Variants in DNAJC1 observed in about 807,000 individuals in gnomAD.
DNAJC1 encodes the protein dnaJ homolog subfamily C member 1.
DNAJC1 carries 58 observed loss-of-function variants against 76.6 expected under a neutral mutation model. The observed-to-expected ratio is 0.76, with a 90% confidence interval of 0.61 to 0.94. The LOEUF (loss-of-function observed/expected upper bound fraction) is 0.94, where lower values mean the gene tolerates loss of function less well. DNAJC1 is among the 40% of genes least tolerant of loss of function. The probability of loss-of-function intolerance (pLI) is 0.00; values close to 1 mark genes in which losing one functional copy is unlikely to be tolerated. For missense variants in DNAJC1, 689 were observed against 677.3 expected, an observed-to-expected ratio of 1.02 and a Z score of -0.19; for synonymous variants, 258 against 267.9, an observed-to-expected ratio of 0.96 and a Z score of 0.36.
intron 8 of DNAJC1, among the ~76,000 whole-genome samples, chr10:21,862,699 G>A (rs1332910793): frequency 6.6e-6 from 1 of 152,044 alleles, no homozygotes; most frequent in South Asian, 2.1e-4. Flanking sequence ...AAAGGGCTGG[G>A]ATTACATGCA....
intron 1 of DNAJC1, among the ~76,000 whole-genome samples, chr10:21,951,125 G>A (rs1051129624): frequency 1.3e-5 from 2 of 152,142 alleles, no homozygotes; most frequent in Non-Finnish European, 2.9e-5. Flanking sequence ...TTCGAGACCA[G>A]CCTGACCAAC....
chr10:21,920,739 T>C (rs1335146261), intron 4 of DNAJC1, 59 bp downstream of exon 4: 2 of 1,482,072 alleles, frequency 1.3e-6, no homozygotes, highest in Non-Finnish European at 1.8e-6. Flanking sequence ...AAAATAAATG[T>C]CCAAAATTCC....
At chr10:21,801,918 T>C (rs573902138) in intron 9 of DNAJC1, among the ~76,000 whole-genome samples, 1 of 152,134 alleles carries the variant, frequency 6.6e-6, no homozygotes, top group Non-Finnish European at 1.5e-5. Context: ...ATGTTCTCAC[T>C]TGTAAGCGGG....
intron 3 of DNAJC1, 35 bp from the exon 4 acceptor site, chr10:21,920,998 T>C: frequency 6.7e-7 from 1 of 1,486,334 alleles, no homozygotes; most frequent in South Asian, 1.4e-5. Flanking sequence ...TCACGGGGAG[T>C]TTAAAATAAA....
At chr10:21,842,216 G>A (rs1338932819) in intron 8 of DNAJC1, among the ~76,000 whole-genome samples, 1 of 151,682 alleles carries the variant, frequency 6.6e-6, no homozygotes, top group Non-Finnish European at 1.5e-5. Context: ...ACTGCATGTT[G>A]TGCACATGTA....
At chr10:21,816,859 TA>T (rs1290952806) in intron 8 of DNAJC1, among the ~76,000 whole-genome samples, 200 of 116,118 alleles carry the variant, frequency 1.7e-3, no homozygotes, top group Middle Eastern at 4.9e-3. Flanking sequence ...CTCTGTCTCT[TA>T]AAAAAAAAAA....
chr10:21,920,876 C>T lies in DNAJC1; in HGVS notation c.459G>A (p.Glu153=), dbSNP rs776777943. 4.3e-6 allele frequency: 7 copies of T among 1,613,026 alleles called. No individual in the cohort carries two copies. The Admixed American group carries it at 1.0e-4, about 23-fold the overall frequency. The change falls in exon 4 of 12, where the codon GAG becomes GAA. Residue 153 remains glutamate, a synonymous_variant. Transcript: ENST00000376980. ...GAATAATGAACAAGAGTAATGCCAG[C>T]TCAGCATTGCTCATTTTTCTCACCC... ...YRRVRKMSNA[E]LALLLFIILT...
intron 8 of DNAJC1, among the ~76,000 whole-genome samples, chr10:21,813,639 T>C (rs1589991675): frequency 6.6e-6 from 1 of 152,246 alleles, no homozygotes; most frequent in East Asian, 1.9e-4. Flanking sequence ...CCACCTGCCT[T>C]GGCCTCCCAA....
In DNAJC1 at chr10:22,003,699, A is replaced by C. The variant is rs1838568309; in HGVS notation, c.-265T>G. 1 of 362,104 alleles carries C rather than the reference A, an allele frequency of 2.8e-6. No homozygotes were observed. The highest frequency in any genetic ancestry group is 4.9e-6 in the Non-Finnish European group (1 of 205,066). 22.4% of individuals were successfully genotyped at this position (362,104 alleles called of 1,614,324 possible). On this transcript the variant is annotated 5_prime_UTR_variant, in exon 1 of 12. Coordinates refer to ENST00000376980, the MANE Select transcript of DNAJC1 (RefSeq NM_022365.4). ...CGCCCCCAGGCCTACACACAGCTGT[A>C]GAGGCAGCGCCCGGCGCCTGGGCTG...
intron 6 of DNAJC1, among the ~76,000 whole-genome samples, chr10:21,910,441 T>C (rs1836835882): frequency 6.6e-6 from 1 of 152,182 alleles, no homozygotes; most frequent in Non-Finnish European, 1.5e-5. Context: ...CATTAAGTGA[T>C]AAGAGAACAT....
chr10:21,810,661 C>T (rs1292143753), intron 8 of DNAJC1, among the ~76,000 whole-genome samples: 1 of 152,140 alleles, frequency 6.6e-6, no homozygotes, highest in Admixed American at 6.5e-5. Context: ...TAAAACAGGG[C>T]CTTTAATGAT....
At chr10:21,908,145 TAATATATAATATATAAA>T (rs1836784197) in intron 6 of DNAJC1, among the ~76,000 whole-genome samples, 3 of 106,438 alleles carry the variant, frequency 2.8e-5, no homozygotes, top group East Asian at 4.5e-4. Context: ...TAAAAATATA[TAATATATAATATATAAA>T]AATATATAAT....
intron 10 of DNAJC1, 71 bp downstream of exon 10, chr10:21,766,190 G>A (rs1834297882): frequency 8.8e-7 from 1 of 1,135,942 alleles, no homozygotes; most frequent in South Asian, 1.3e-5. Context: ...ATTTAAAGAA[G>A]TTATTATAAA....
intron 8 of DNAJC1, among the ~76,000 whole-genome samples, chr10:21,835,646 T>C (rs1233659468): frequency 1.3e-5 from 2 of 152,152 alleles, no homozygotes; most frequent in Non-Finnish European, 2.9e-5. Context: ...CTGATGGAGC[T>C]GAAAACCAAC....
chr10:21,900,383 G>C (rs1380328841), intron 7 of DNAJC1, among the ~76,000 whole-genome samples: 1 of 151,340 alleles, frequency 6.6e-6, no homozygotes, highest in Non-Finnish European at 1.5e-5. Flanking sequence ...AAAGAAATTT[G>C]ACTAATTAAT....
Position 21,806,073 on chromosome 10 carries a change from G to A in DNAJC1, c.1005C>T (p.Leu335=). ...TAACCATACTTCTTGTCAGTTGGCTGAGGTCCTCTTCTGTCCATTCAGGTG... is the reference window on the plus strand; with the variant it reads ...TAACCATACTTCTTGTCAGTTGGCTAAGGTCCTCTTCTGTCCATTCAGGTG... The part of the protein sequence containing the change: ...KQAPEWTEED[L]SQLTRSMVKF... The change falls in exon 9 of 12, where the codon CTC becomes CTT. Residue 335 remains leucine, a synonymous_variant. Coordinates refer to ENST00000376980, the MANE Select transcript of DNAJC1 (RefSeq NM_022365.4). The A allele has an allele frequency of 6.2e-7, 1 of 1,612,312 alleles. No individual in the cohort carries two copies. Among genetic ancestry groups the A allele is most frequent in the Non-Finnish European group, 8.5e-7 (1 of 1,179,646 alleles).
intron 8 of DNAJC1, among the ~76,000 whole-genome samples, chr10:21,858,738 A>G (rs1835878955): frequency 6.6e-6 from 1 of 152,220 alleles, no homozygotes. Flanking sequence ...CAGGTCTCCT[A>G]CATAAAACAC....
intron 8 of DNAJC1, among the ~76,000 whole-genome samples, chr10:21,849,656 G>A (rs1390601622): frequency 6.6e-6 from 1 of 152,078 alleles, no homozygotes; most frequent in Non-Finnish European, 1.5e-5. Flanking sequence ...GACAAAGACA[G>A]CATGAGAAAA....
intron 1 of DNAJC1, among the ~76,000 whole-genome samples, chr10:21,947,093 C>G (rs1281031599): frequency 6.6e-6 from 1 of 152,132 alleles, no homozygotes; most frequent in Non-Finnish European, 1.5e-5. Context: ...ACAAATTACC[C>G]AGTCTGTGGT....
Sources: gnomAD v4.1 joint callset for allele counts (sites outside exome capture counted in the v4.1 genomes callset) on GRCh38, gnomAD v4.1.1 for gene constraint, MANE v1.5 for transcripts, NCBI Gene and HGNC (gene_info 2026-07-23, HGNC 2026-07-21) for gene names.